The following CYP2A13 variants were observed in gnomAD, a reference collection of about 807,000 sequenced individuals.
CYP2A13 encodes cytochrome P450 2A13.
CYP2A13 carries 30 observed loss-of-function variants against 39.4 expected under a neutral mutation model. The observed-to-expected ratio is 0.76, with a 90% confidence interval of 0.57 to 1.03. The LOEUF (loss-of-function observed/expected upper bound fraction) is 1.03. CYP2A13 is among the 50% of genes least tolerant of loss of function. The pLI is 0.00. For synonymous variants in CYP2A13, 269 were observed against 254.7 expected (o/e 1.06, Z -0.54); for missense variants, 731 against 648.4 (o/e 1.13, Z -1.38).
chr19:41,093,796 G>A (rs1382441448), intron 6 of CYP2A13, 25 bp downstream of exon 6: 2 of 1,613,078 alleles, frequency 1.2e-6, no homozygotes, highest in Non-Finnish European at 8.5e-7. Context: ...GGAGGAAAGT[G>A]AAGGGCCCCA....
chr19:41,093,276 T>C (rs1368096674), intron 5 of CYP2A13, among the ~76,000 whole-genome samples: 1 of 151,962 alleles, frequency 6.6e-6, no homozygotes, highest in Non-Finnish European at 1.5e-5. Context: ...CATGTGCAGT[T>C]CCAGCTACTC....
At chr19:41,093,364 A>T (rs912219945) in intron 5 of CYP2A13, among the ~76,000 whole-genome samples, 2 of 152,026 alleles carry the variant, frequency 1.3e-5, no homozygotes, top group Admixed American at 1.3e-4. Flanking sequence ...CCAAGTCTGT[A>T]TAAGAAAAAA....
Position 41,091,901 on chromosome 19 carries a change from T to C in CYP2A13, c.824T>C (p.Met275Thr). ...TTCATCGACTCCTTTCTCATCCGCA[T>C]GCAGGAGGTACATCCCAGCAGCCAG... ...RDFIDSFLIRMQEEEKNPNTE... is the reference protein window; with the variant it reads ...RDFIDSFLIRTQEEEKNPNTE... Residue 275 changes from methionine (M) to threonine (T), a missense_variant, in exon 5 of 9, where the codon ATG becomes ACG. Met to Thr is a moderately conservative substitution (Grantham distance 81). Transcript: ENST00000330436. 6.2e-7 allele frequency: 1 copy of C among 1,614,168 alleles called. No individual in the cohort carries two copies. Among genetic ancestry groups the C allele is most frequent in the African/African-American group, 1.3e-5 (1 of 75,044 alleles).
At position 41,088,455 on chromosome 19, in the gene CYP2A13, A is replaced by G. The variant is rs762281703; in HGVS notation, c.-17A>G. The stretch of plus-strand genomic sequence containing the variant: ...CAAACCACCCCAGCCATCACCATCT[A>G]TCATCCCACTGCCACCATGCTGGCC... On this transcript the variant is annotated 5_prime_UTR_variant, in exon 1 of 9. Coordinates refer to ENST00000330436, the MANE Select transcript of CYP2A13 (RefSeq NM_000766.5). 71 of 1,609,852 alleles carry G rather than the reference A, an allele frequency of 4.4e-5. No individual in the cohort carries two copies. The highest frequency in any genetic ancestry group is 6.0e-5 in the Non-Finnish European group (71 of 1,177,514).
chr19:41,093,651 G>C lies in CYP2A13; in HGVS notation c.853G>C (p.Glu285Gln), dbSNP rs560316919. The C allele has an allele frequency of 1.2e-6, 2 of 1,614,140 alleles. No homozygotes were observed. Among genetic ancestry groups the C allele is most frequent in the South Asian group, 2.2e-5 (2 of 91,076 alleles). ...MQEEEKNPNT[E>Q]FYLKNLVMTT... is the part of the protein sequence containing the mutation. ...GCAGGAGGAGAAGAACCCCAACACA[G>C]AGTTCTACTTGAAGAACCTGGTGAT... Residue 285 changes from glutamate to glutamine, a missense_variant, in exon 6 of 9, where the codon GAG becomes CAG. Physicochemically the swap from Glu to Gln is conservative, Grantham distance 29 (BLOSUM62 2). Coordinates refer to ENST00000330436, the MANE Select transcript of CYP2A13 (RefSeq NM_000766.5).
chr19:41,089,746 T>TGC (rs2031127111), intron 2 of CYP2A13, among the ~76,000 whole-genome samples: 2 of 152,048 alleles, frequency 1.3e-5, no homozygotes, highest in South Asian at 2.1e-4. Context: ...TCTGTTTCTC[T>TGC]GCATCTGTCT....
rs72552266 is a variant in CYP2A13 at position 41,089,049 on chromosome 19, C to T, written c.301C>T (p.Arg101Ter). 11,532 of 1,611,914 alleles carry T rather than the reference C, an allele frequency of 7.2e-3. 59 individuals carry two copies. The highest frequency in any genetic ancestry group is 8.6e-3 in the Non-Finnish European group (10,115 of 1,179,284). The change falls in exon 2 of 9, where the codon CGA becomes TGA. Residue 101 changes from arginine (R) to a stop codon, truncating the protein, a stop_gained. Coordinates refer to ENST00000330436, the MANE Select transcript of CYP2A13 (RefSeq NM_000766.5). LOFTEE classifies it high-confidence loss of function. ...LVDQAEEFSG[R>*]GEQATFDWLF... Reference sequence around the variant, plus strand: ...GGACCAGGCTGAGGAGTTCAGCGGGCGAGGCGAGCAGGCCACCTTCGACTG... The same window carrying T: ...GGACCAGGCTGAGGAGTTCAGCGGGTGAGGCGAGCAGGCCACCTTCGACTG...
In CYP2A13 at chr19:41,094,291, G is replaced by T; in HGVS notation, c.1020G>T (p.Gln340His). The change falls in exon 7 of 9, where the codon CAG (glutamine) becomes CAT (histidine). Residue 340 changes from glutamine (Q) to histidine (H), a missense_variant. Transcript: ENST00000330436. ...ACAGAGTGATCGGCAAGAACCGGCA[G>T]CCCAAGTTTGAGGACCGGGCCAAGA... ...EIDRVIGKNR[Q>H]PKFEDRAKMP... 6.2e-7 allele frequency: 1 copy of T among 1,614,102 alleles called. No homozygotes were observed. Among genetic ancestry groups the T allele is most frequent in the Non-Finnish European group, 8.5e-7 (1 of 1,180,000 alleles).
chr19:41,095,411 G>A (rs1303712959), intron 8 of CYP2A13, among the ~76,000 whole-genome samples: 1 of 152,108 alleles, frequency 6.6e-6, no homozygotes, highest in South Asian at 2.1e-4. Context: ...TATCTGGGGG[G>A]TAGGGGCATC....
At chr19:41,095,329 G>A (rs532379065) in intron 8 of CYP2A13, among the ~76,000 whole-genome samples, 1 of 152,234 alleles carries the variant, frequency 6.6e-6, no homozygotes, top group African/African-American at 2.4e-5. Context: ...ATTTGTCTAG[G>A]GTCACACAGC....
Position 41,094,446 on chromosome 19 carries a change from TCCA to T in CYP2A13, c.1161+25_1161+27del, listed in dbSNP as rs764167069. ...TTCCTCCCTAAGGTGCTGTCTCCCC[TCCA>T]CCACCACCACTCAGACTACGGGGAC... is the stretch of plus-strand genomic sequence containing the variant. On this transcript the variant is annotated intron_variant, in intron 7 of 8. Coordinates refer to ENST00000330436, the MANE Select transcript of CYP2A13 (RefSeq NM_000766.5). 10 of 1,613,802 alleles carry T rather than the reference TCCA, an allele frequency of 6.2e-6. No homozygotes were observed. Among genetic ancestry groups the T allele is most frequent in the Middle Eastern group, 1.7e-4 (1 of 6,056 alleles).
In CYP2A13 at chr19:41,095,925, G is replaced by C; in HGVS notation, c.1469G>C (p.Ser490Thr). The C allele has an allele frequency of 6.2e-7, 1 of 1,613,634 alleles. No homozygotes were observed. Among genetic ancestry groups the C allele is most frequent in the South Asian group, 1.1e-5 (1 of 91,038 alleles). ...FATIPRNYTM[S>T]FLPR ...ACGATCCCACGAAACTACACCATGA[G>C]CTTCCTGCCCCGCTGAGCGAGGGCT... Residue 490 changes from serine (S) to threonine (T), a missense_variant, in exon 9 of 9, where the codon AGC (serine) becomes ACC (threonine). By Grantham distance (58) the Ser-to-Thr change is moderately conservative. Coordinates refer to ENST00000330436, the MANE Select transcript of CYP2A13 (RefSeq NM_000766.5).
intron 3 of CYP2A13, 54 bp downstream of exon 3, chr19:41,090,250 A>G: frequency 6.4e-7 from 1 of 1,551,328 alleles, no homozygotes; most frequent in Non-Finnish European, 8.7e-7. Context: ...CTGCCTGGGG[A>G]TGGGGACTAG....
Position 41,090,467 on chromosome 19 carries a change from T to C in CYP2A13, c.557T>C (p.Val186Ala). Residue 186 changes from valine (V) to alanine (A), a missense_variant, in exon 4 of 9, where the codon GTC (valine) becomes GCC (alanine). By Grantham distance (64) the Val-to-Ala change is moderately conservative. Coordinates refer to ENST00000330436, the MANE Select transcript of CYP2A13 (RefSeq NM_000766.5). ...RTVSNVISSI[V>A]FGDRFDYEDK... ...GTCTCCAATGTCATCAGCTCCATTG[T>C]CTTTGGGGACCGCTTTGACTATGAG... The C allele has an allele frequency of 6.2e-7, 1 of 1,614,150 alleles. No homozygotes were observed. Among genetic ancestry groups the C allele is most frequent in the Non-Finnish European group, 8.5e-7 (1 of 1,180,018 alleles).
chr19:41,088,942 A>G lies in CYP2A13; in HGVS notation c.194A>G (p.Tyr65Cys), dbSNP rs376227981. 6 of 1,613,914 alleles carry G rather than the reference A, an allele frequency of 3.7e-6. No individual in the cohort carries two copies. In the African/African-American group the frequency reaches 6.7e-5, roughly 18 times the overall value. The change falls in exon 2 of 9, where the codon TAT becomes TGT. Residue 65 changes from tyrosine (Y) to cysteine (C), a missense_variant. Tyr to Cys is a radical substitution (Grantham distance 194). Coordinates refer to ENST00000330436, the MANE Select transcript of CYP2A13 (RefSeq NM_000766.5). ...YNSLMKISER[Y>C]GPVFTIHLGP... ...TGCCTCCAACAGATCAGTGAGCGCTATGGCCCTGTGTTCACCATTCACTTG... is the reference window on the plus strand; with the variant it reads ...TGCCTCCAACAGATCAGTGAGCGCTGTGGCCCTGTGTTCACCATTCACTTG...
At position 41,093,716 on chromosome 19, in the gene CYP2A13, G is replaced by C. The variant is rs371933799; in HGVS notation, c.918G>C (p.Val306=). 42 of 1,613,964 alleles carry C rather than the reference G, an allele frequency of 2.6e-5. No homozygotes were observed. The Middle Eastern group carries it at 4.9e-4, about 19-fold the overall frequency. Residue 306 remains valine, a synonymous_variant, in exon 6 of 9, where the codon GTG becomes GTC. Coordinates refer to ENST00000330436, the MANE Select transcript of CYP2A13 (RefSeq NM_000766.5). ...LNLFFAGTET[V]STTLRYGFLL... The stretch of plus-strand genomic sequence containing the variant: ...TCTTCTTTGCGGGCACTGAGACCGT[G>C]AGCACCACCCTGCGCTACGGTTTCC...
chr19:41,094,836 C>T lies in CYP2A13; in HGVS notation c.1162-123C>T, dbSNP rs531522866. On this transcript the variant is annotated intron_variant, in intron 7 of 8. Transcript: ENST00000330436. ...CCCAAAGCTCCTCCCTCAGAGGTCC[C>T]CAACTCCTCCATGCCTGCCACTCCC... 18 of 1,138,970 alleles carry T rather than the reference C, an allele frequency of 1.6e-5. No individual in the cohort carries two copies. In the South Asian group the frequency reaches 2.5e-4, roughly 16 times the overall value. The allele number at this position is 1,138,970 out of a possible 1,614,324, so 70.6% of individuals were successfully genotyped here.
At chr19:41,092,145 G>A (rs1364095738) in intron 5 of CYP2A13, among the ~76,000 whole-genome samples, 2 of 151,528 alleles carry the variant, frequency 1.3e-5, no homozygotes, top group Admixed American at 1.3e-4. Flanking sequence ...GTGAAACCCC[G>A]TCTCTACTAA....
chr19:41,089,050 G>A lies in CYP2A13; in HGVS notation c.302G>A (p.Arg101Gln), dbSNP rs148044792. 52 of 1,613,146 alleles carry A rather than the reference G, an allele frequency of 3.2e-5. No homozygotes were observed. The East Asian group carries it at 9.1e-4, about 28-fold the overall frequency. The stretch of plus-strand genomic sequence containing the variant: ...GACCAGGCTGAGGAGTTCAGCGGGC[G>A]AGGCGAGCAGGCCACCTTCGACTGG... ...LVDQAEEFSG[R>Q]GEQATFDWLF... is the part of the protein sequence containing the mutation. The change falls in exon 2 of 9, where the codon CGA becomes CAA. Residue 101 changes from arginine (R) to glutamine (Q), a missense_variant. By Grantham distance (43) the Arg-to-Gln change is conservative. Transcript: ENST00000330436.
Sources: allele counts gnomAD v4.1 joint callset (sites outside exome capture counted in the v4.1 genomes callset), GRCh38; gene constraint gnomAD v4.1.1; transcripts MANE v1.5; gene names NCBI Gene and HGNC (gene_info 2026-07-23, HGNC 2026-07-21).